Variants in CHODL observed in about 807,000 individuals in gnomAD.
CHODL encodes the protein transmembrane protein MT75.
Under a neutral mutation model 34.5 loss-of-function variants are expected in CHODL, and 29 were observed. The observed-to-expected ratio is 0.84, with a 90% CI of 0.63 to 1.15. The LOEUF (loss-of-function observed/expected upper bound fraction) is 1.15. Among genes scored for constraint, CHODL ranks in the 50% most tolerant of loss-of-function variants. The pLI, the probability that CHODL is intolerant of heterozygous loss-of-function variation, is 0.00. For missense variants in CHODL, 332 were observed against 332.5 expected (o/e 1.00, Z 0.01); for synonymous variants, 125 against 116.1 (o/e 1.08, Z -0.49).
chr21:17,940,915 T>TTA (rs2063357779), intron 1 of CHODL, among the ~76,000 whole-genome samples: 1 of 152,226 alleles, frequency 6.6e-6, no homozygotes, highest in Non-Finnish European at 1.5e-5. Context: ...ACCATCTGAT[T>TTA]TCCACTTGGA....
chr21:18,081,702 G>A lies in CHODL; in HGVS notation c.-45+53731G>A, dbSNP rs117001890. 4.5e-3 allele frequency among the ~76,000 whole-genome samples: 298 copies of A among 65,570 alleles called. 2 individuals are homozygous for A. The highest frequency in any genetic ancestry group is 0.018 in the Middle Eastern group (2 of 112). The allele number at this position is 65,570 out of a possible 152,430, so 43.0% of individuals were successfully genotyped here. On this transcript the variant is annotated intron_variant, in intron 2 of 6. Coordinates refer to the CHODL transcript ENST00000400127. ...ATCTCAAAAAGAAAAAAAAAAAAAA[G>A]AGGGTGAAAGTGGGCATCTTCTCTT...
At chr21:18,056,202 T>C (rs1436345882) in intron 2 of CHODL, among the ~76,000 whole-genome samples, 1 of 152,030 alleles carries the variant, frequency 6.6e-6, no homozygotes, top group African/African-American at 2.4e-5. Context: ...TGGCAGACCA[T>C]TAACCTTCAA....
intron 2 of CHODL, among the ~76,000 whole-genome samples, chr21:18,186,539 C>T (rs888392882): frequency 2.6e-5 from 4 of 152,092 alleles, no homozygotes; most frequent in African/African-American, 9.7e-5. Context: ...TTTTTGGCTG[C>T]TTGCATAGGA....
intron 2 of CHODL, among the ~76,000 whole-genome samples, chr21:18,236,253 G>A (rs909458617): frequency 2.0e-5 from 3 of 152,048 alleles, no homozygotes; most frequent in Non-Finnish European, 4.4e-5. Context: ...TAGAGCTTGT[G>A]AGAACTTACT....
intron 2 of CHODL, among the ~76,000 whole-genome samples, chr21:18,056,973 T>C (rs2064589762): frequency 6.6e-6 from 1 of 152,098 alleles, no homozygotes. Context: ...GAATGAAAAA[T>C]CAGGTTTAGT....
chr21:17,945,601 A>G (rs1198905701), intron 1 of CHODL, among the ~76,000 whole-genome samples: 1 of 152,202 alleles, frequency 6.6e-6, no homozygotes, highest in African/African-American at 2.4e-5. Context: ...TATGGGAATT[A>G]TGGAATTCAA....
chr21:18,139,406 A>G (rs996935666), intron 2 of CHODL, among the ~76,000 whole-genome samples: 2 of 152,118 alleles, frequency 1.3e-5, no homozygotes, highest in African/African-American at 4.8e-5. Context: ...AAATGACACA[A>G]TTCCTTCCTT....
chr21:18,195,540 T>C (rs144502614), intron 2 of CHODL, among the ~76,000 whole-genome samples: 3 of 152,320 alleles, frequency 2.0e-5, no homozygotes, highest in Non-Finnish European at 4.4e-5. Flanking sequence ...TGATTTCACA[T>C]GTAATTGGGA....
At chr21:18,150,365 C>T (rs2072948671) in intron 2 of CHODL, among the ~76,000 whole-genome samples, 1 of 152,120 alleles carries the variant, frequency 6.6e-6, no homozygotes, top group African/African-American at 2.4e-5. Flanking sequence ...TGGCCTGAAC[C>T]AGTCTCTCAG....
At chr21:18,212,523 G>A (rs1406515053) in intron 2 of CHODL, among the ~76,000 whole-genome samples, 2 of 151,784 alleles carry the variant, frequency 1.3e-5, no homozygotes, top group African/African-American at 2.4e-5. Context: ...AATTTCATGA[G>A]GCTTTGGGTG....
chr21:18,184,469 C>T (rs2073416968), intron 2 of CHODL, among the ~76,000 whole-genome samples: 1 of 152,044 alleles, frequency 6.6e-6, no homozygotes, highest in African/African-American at 2.4e-5. Context: ...GGAATAAGCA[C>T]ATTTGGTTTC....
chr21:18,250,643 G>C (rs987925189), intron 1 of CHODL, among the ~76,000 whole-genome samples: 2 of 152,060 alleles, frequency 1.3e-5, no homozygotes, highest in Admixed American at 1.3e-4. Context: ...TTGAACACCA[G>C]TCATTTTCTT....
chr21:18,003,135 AC>A (rs889667773), intron 1 of CHODL, among the ~76,000 whole-genome samples: 5 of 121,494 alleles, frequency 4.1e-5, no homozygotes, highest in Admixed American at 8.1e-5. Context: ...AAAAAAAAAA[AC>A]AAAAAAAAAA....
chr21:18,186,558 G>A (rs1247884336), intron 2 of CHODL, among the ~76,000 whole-genome samples: 2 of 152,046 alleles, frequency 1.3e-5, no homozygotes, highest in Non-Finnish European at 2.9e-5. Context: ...GATATGGAGG[G>A]GCAAAATACC....
At chr21:18,143,699 A>T (rs1334111981) in intron 2 of CHODL, among the ~76,000 whole-genome samples, 1 of 152,116 alleles carries the variant, frequency 6.6e-6, no homozygotes, top group East Asian at 1.9e-4. Context: ...CACTTAGCAT[A>T]GTGTCCAGAA....
chr21:18,128,598 G>A (rs2072611601), intron 2 of CHODL, among the ~76,000 whole-genome samples: 1 of 152,062 alleles, frequency 6.6e-6, no homozygotes, highest in Non-Finnish European at 1.5e-5. Flanking sequence ...GAAAGTGGAT[G>A]GTGTATGGTG....
At position 18,135,449 on chromosome 21, in the gene CHODL, T is replaced by G. The variant is rs1374005335; in HGVS notation, c.-45+107478T>G. 2.6e-5 allele frequency among the ~76,000 whole-genome samples: 4 copies of G among 152,224 alleles called. No homozygotes were observed. In the East Asian group the frequency reaches 5.8e-4, roughly 22 times the overall value. Reference sequence around the variant, plus strand: ...AGTTGCTTCGATGGAAGCAATTGAGTAGCCTCAGCGTTCCATCCAATTATC... The same window carrying G: ...AGTTGCTTCGATGGAAGCAATTGAGGAGCCTCAGCGTTCCATCCAATTATC... On this transcript the variant is annotated intron_variant, in intron 2 of 6. Coordinates refer to the CHODL transcript ENST00000400127.
At chr21:18,056,773 G>A (rs1337096784) in intron 2 of CHODL, among the ~76,000 whole-genome samples, 1 of 151,980 alleles carries the variant, frequency 6.6e-6, no homozygotes, top group Admixed American at 6.6e-5. Flanking sequence ...CATGCTCCAT[G>A]AATGTAATAT....
At chr21:18,101,843 C>T (rs546991574) in intron 2 of CHODL, among the ~76,000 whole-genome samples, 1 of 151,538 alleles carries the variant, frequency 6.6e-6, no homozygotes, top group South Asian at 2.1e-4. Flanking sequence ...TATTTAGTTT[C>T]CATAATGAAA....
Sources: allele counts gnomAD v4.1 joint callset (sites outside exome capture counted in the v4.1 genomes callset), GRCh38; gene constraint gnomAD v4.1.1; transcripts MANE v1.5; gene names NCBI Gene and HGNC (gene_info 2026-07-23, HGNC 2026-07-21).